Variants in FAM178B observed in about 807,000 individuals in gnomAD.
The protein encoded by FAM178B is protein FAM178B.
A neutral mutation model predicts 91.7 loss-of-function variants in FAM178B; 82 were observed. The observed-to-expected ratio is 0.89, with a 90% confidence interval of 0.75 to 1.07. FAM178B has a LOEUF of 1.07. Ranked by LOEUF, FAM178B falls within the 50% of genes least tolerant of loss-of-function variation. The pLI is 0.00. For missense variants in FAM178B, 769 were observed against 846.7 expected (o/e 0.91, Z 1.14); for synonymous variants, 368 against 359.4 (o/e 1.02, Z -0.27).
At chr2:96,942,165 T>C (rs2081743482) in intron 8 of FAM178B, among the ~76,000 whole-genome samples, 1 of 152,192 alleles carries the variant, frequency 6.6e-6, no homozygotes, top group Non-Finnish European at 1.5e-5. Flanking sequence ...ATGTAAGACA[T>C]GTACACTGAA....
At chr2:96,964,077 G>C (rs2082114608) in intron 5 of FAM178B, among the ~76,000 whole-genome samples, 1 of 152,128 alleles carries the variant, frequency 6.6e-6, no homozygotes, top group Non-Finnish European at 1.5e-5. Flanking sequence ...CTTCTCGGGA[G>C]GCTGAAGCAT....
intron 8 of FAM178B, among the ~76,000 whole-genome samples, chr2:96,944,715 C>T (rs2081794198): frequency 6.6e-6 from 1 of 152,296 alleles, no homozygotes; most frequent in South Asian, 2.1e-4. Context: ...AGTCAAAATA[C>T]GACCTAACTA....
In FAM178B at chr2:96,972,026, C is replaced by G. The variant is rs753529232; in HGVS notation, c.439G>C (p.Ala147Pro). ...VVGPQGLRRL[A>P]GELPEELEQE... is the part of the protein sequence containing the mutation. ...TCCAACTCCTCGGGCAGCTCACCAG[C>G]CAGTCTCCTCAGGCCCTGGGGGCCC... is the stretch of plus-strand genomic sequence containing the variant. Residue 147 changes from alanine to proline, a missense_variant, in exon 3 of 17, where the codon GCT (alanine) becomes CCT (proline). Physicochemically the swap from Ala to Pro is conservative, Grantham distance 27. Coordinates refer to ENST00000490605, the MANE Select transcript of FAM178B (RefSeq NM_001122646.3). 1 of 1,552,824 alleles carries G rather than the reference C, an allele frequency of 6.4e-7. No individual in the cohort carries two copies. Among genetic ancestry groups the G allele is most frequent in the Admixed American group, 2.0e-5 (1 of 51,046 alleles).
intron 8 of FAM178B, among the ~76,000 whole-genome samples, chr2:96,935,913 G>A (rs1470060266): frequency 6.6e-6 from 1 of 151,934 alleles, no homozygotes; most frequent in Non-Finnish European, 1.5e-5. Context: ...TGAGATTACA[G>A]GCGTGAGCCA....
chr2:96,965,191 G>GGCT (rs1238165711), intron 5 of FAM178B, among the ~76,000 whole-genome samples: 1 of 151,898 alleles, frequency 6.6e-6, no homozygotes, highest in Non-Finnish European at 1.5e-5. Flanking sequence ...GTAGAGACAG[G>GGCT]GTTCAGGGTT....
intron 13 of FAM178B, among the ~76,000 whole-genome samples, chr2:96,896,431 T>C (rs1249863600): frequency 6.6e-6 from 1 of 152,100 alleles, no homozygotes; most frequent in African/African-American, 2.4e-5. Context: ...TAAGGGGTTG[T>C]TTGGGCCTTG....
chr2:96,918,266 A>C (rs1419152740), intron 12 of FAM178B, among the ~76,000 whole-genome samples: 1 of 152,234 alleles, frequency 6.6e-6, no homozygotes, highest in African/African-American at 2.4e-5. Flanking sequence ...TTTGGAGAAA[A>C]CATACTGTAA....
rs180991501 is a variant in FAM178B, at chr2:96,939,427, C to T, written c.1078+8391G>A. On this transcript the variant is annotated intron_variant, in intron 8 of 16. Transcript: ENST00000490605. ...AGGAGAATGGCGTGAACCTGGGAGG[C>T]GGAGCTTGTAGTGAGCCGAGATCGC... 5.7e-3 allele frequency among the ~76,000 whole-genome samples: 872 copies of T among 152,186 alleles called. 3 individuals carry two copies. Among genetic ancestry groups the T allele is most frequent in the African/African-American group, 0.02 (837 of 41,510 alleles).
In FAM178B at chr2:96,929,234, G is replaced by A. The variant is rs1237729499; in HGVS notation, c.1165C>T (p.Pro389Ser). 1.3e-6 allele frequency: 2 copies of A among 1,551,416 alleles called. No homozygotes were observed. Among genetic ancestry groups the A allele is most frequent in the Non-Finnish European group, 1.7e-6 (2 of 1,146,782 alleles). The change falls in exon 9 of 17, where the codon CCT becomes TCT. Residue 389 changes from proline to serine, a missense_variant. Physicochemically the swap from Pro to Ser is moderately conservative, Grantham distance 74. Coordinates refer to ENST00000490605, the MANE Select transcript of FAM178B (RefSeq NM_001122646.3). ...CCACCGTGCCAAAAGGGCCCCAGAG[G>A]GTACAGGGCAGGACTGTGGGCACCC... is the stretch of plus-strand genomic sequence containing the variant. ...SLGAHSPALY[P>S]LGPFWHGGRV...
At chr2:96,928,226 T>C (rs903451904) in intron 9 of FAM178B, among the ~76,000 whole-genome samples, 8 of 152,096 alleles carry the variant, frequency 5.3e-5, no homozygotes, top group Non-Finnish European at 8.8e-5. Flanking sequence ...TGGGGGGAAG[T>C]CCTATACAAC....
At chr2:96,929,702 C>T (rs988228154) in intron 8 of FAM178B, among the ~76,000 whole-genome samples, 1 of 152,222 alleles carries the variant, frequency 6.6e-6, no homozygotes, top group Non-Finnish European at 1.5e-5. Context: ...GGCTCACGTC[C>T]TTAGACTCTC....
At chr2:96,954,639 G>A (rs2081973379) in intron 6 of FAM178B, among the ~76,000 whole-genome samples, 1 of 152,256 alleles carries the variant, frequency 6.6e-6, no homozygotes, top group African/African-American at 2.4e-5. Context: ...ATACGTATCA[G>A]CTCCTGGGCC....
chr2:96,902,762 G>T, intron 12 of FAM178B, 55 bp from the exon 13 acceptor site: 1 of 1,330,076 alleles, frequency 7.5e-7, no homozygotes, highest in Non-Finnish European at 1.1e-6. Context: ...GGGAGCCCGA[G>T]CAGGGGGCAG....
At chr2:96,970,304 T>C (rs1464002858) in intron 4 of FAM178B, among the ~76,000 whole-genome samples, 1 of 151,964 alleles carries the variant, frequency 6.6e-6, no homozygotes, top group Admixed American at 6.6e-5. Context: ...CACACTGGGG[T>C]AGAAAGCAGC....
chr2:96,890,067 T>C (rs10169387), intron 14 of FAM178B, among the ~76,000 whole-genome samples: 38,326 of 151,470 alleles, frequency 0.25, 6,140 homozygotes, highest in South Asian at 0.67. Flanking sequence ...CCTGAGGTCA[T>C]GAGTTCGAGA....
At chr2:96,925,645 G>A (rs2081425455) in intron 9 of FAM178B, among the ~76,000 whole-genome samples, 1 of 152,110 alleles carries the variant, frequency 6.6e-6, no homozygotes, top group East Asian at 1.9e-4. Flanking sequence ...ACTCTTATGA[G>A]CAAAGCAGCT....
intron 14 of FAM178B, among the ~76,000 whole-genome samples, chr2:96,880,999 G>A (rs986941873): frequency 3.9e-5 from 6 of 152,050 alleles, no homozygotes; most frequent in South Asian, 4.1e-4. Context: ...AAAAGCAGCC[G>A]AGACCCAGGC....
intron 4 of FAM178B, 21 bp downstream of exon 4, chr2:96,970,695 C>T (rs1360104002): frequency 6.5e-7 from 1 of 1,546,256 alleles, no homozygotes; most frequent in Non-Finnish European, 8.8e-7. Context: ...CACCCCATGA[C>T]AGGCCACGCC....
At chr2:96,878,394 C>A in intron 15 of FAM178B, 22 bp downstream of exon 15, 1 of 1,610,958 alleles carries the variant, frequency 6.2e-7, no homozygotes, top group African/African-American at 1.3e-5. Context: ...CCCACCACAG[C>A]CCTGCCCCTT....
Sources: gnomAD v4.1 joint callset for allele counts (sites outside exome capture counted in the v4.1 genomes callset) on GRCh38, gnomAD v4.1.1 for gene constraint, MANE v1.5 for transcripts, NCBI Gene and HGNC (gene_info 2026-07-23, HGNC 2026-07-21) for gene names.